VTI1A: variants seen among roughly 807,000 people sequenced by gnomAD.
The protein encoded by VTI1A is vesicle transport through interaction with t-SNAREs homolog 1A.
A neutral mutation model predicts 34.9 loss-of-function variants in VTI1A; 22 were observed. The observed-to-expected ratio is 0.63, with a 90% confidence interval of 0.45 to 0.90. The LOEUF (loss-of-function observed/expected upper bound fraction) is 0.90. VTI1A is among the 40% of genes least tolerant of loss of function. VTI1A has a pLI of 0.00. For synonymous variants in VTI1A, 87 were observed against 97.3 expected (o/e 0.89, Z 0.62); for missense variants, 268 against 275.6 (o/e 0.97, Z 0.20).
At chr10:112,715,582 T>C (rs1438503094) in intron 7 of VTI1A, among the ~76,000 whole-genome samples, 1 of 152,094 alleles carries the variant, frequency 6.6e-6, no homozygotes, top group East Asian at 1.9e-4. Context: ...GTTTTTCATA[T>C]GTTAAAAAAA....
intron 3 of VTI1A, among the ~76,000 whole-genome samples, chr10:112,505,100 A>G (rs1363221525): frequency 6.6e-6 from 1 of 151,778 alleles, no homozygotes; most frequent in African/African-American, 2.4e-5. Flanking sequence ...AATTTATCCT[A>G]TGTTTGTTCT....
At chr10:112,819,584 A>G (rs1381028537), downstream of VTI1A, among the ~76,000 whole-genome samples, 2 of 152,260 alleles carry the variant, frequency 1.3e-5, no homozygotes, top group East Asian at 1.9e-4. Flanking sequence ...ACTGGAGCTC[A>G]TTACAAACAG....
intron 3 of VTI1A, among the ~76,000 whole-genome samples, chr10:112,506,628 T>C (rs1849440452): frequency 6.6e-6 from 1 of 152,222 alleles, no homozygotes; most frequent in African/African-American, 2.4e-5. Flanking sequence ...CTTCTACATA[T>C]GCTATGAGAT....
At chr10:112,807,434 C>G (rs1853125767) in intron 7 of VTI1A, among the ~76,000 whole-genome samples, 1 of 152,182 alleles carries the variant, frequency 6.6e-6, no homozygotes, top group African/African-American at 2.4e-5. Flanking sequence ...CCCAACATTC[C>G]TTGGCATGTG....
intron 5 of VTI1A, among the ~76,000 whole-genome samples, chr10:112,643,215 T>TA (rs1846650735): frequency 6.6e-6 from 1 of 150,662 alleles, no homozygotes; most frequent in African/African-American, 2.4e-5. Flanking sequence ...AGGGTGGTCT[T>TA]GAACTCCTGG....
intron 7 of VTI1A, among the ~76,000 whole-genome samples, chr10:112,781,118 G>A (rs1852111878): frequency 1.3e-5 from 2 of 152,044 alleles, no homozygotes; most frequent in African/African-American, 4.8e-5. Context: ...GTAATTTTTT[G>A]TAGTTTAGTA....
At chr10:112,474,289 G>A (rs1219934270) in intron 3 of VTI1A, among the ~76,000 whole-genome samples, 3 of 151,942 alleles carry the variant, frequency 2.0e-5, no homozygotes, top group South Asian at 4.2e-4. Flanking sequence ...TCCTGACCTT[G>A]TGATCTGCCC....
At chr10:112,641,599 C>T (rs754099608) in intron 5 of VTI1A, among the ~76,000 whole-genome samples, 4 of 152,144 alleles carry the variant, frequency 2.6e-5, no homozygotes, top group Non-Finnish European at 4.4e-5. Context: ...AGGGTCCCAG[C>T]ATCAATTCCA....
At chr10:112,804,772 G>C (rs940620998) in intron 7 of VTI1A, among the ~76,000 whole-genome samples, 1 of 151,380 alleles carries the variant, frequency 6.6e-6, no homozygotes, top group Non-Finnish European at 1.5e-5. Flanking sequence ...AGACCTGCCA[G>C]ACCTGTCTGT....
At chr10:112,670,767 CTCAG>C (rs751096175) in intron 7 of VTI1A, among the ~76,000 whole-genome samples, 4 of 152,298 alleles carry the variant, frequency 2.6e-5, no homozygotes, top group Admixed American at 2.6e-4. Flanking sequence ...TGTAGGCAAA[CTCAG>C]TCAATCACTG....
chr10:112,577,985 T>C (rs1286323080), intron 5 of VTI1A, among the ~76,000 whole-genome samples: 1 of 152,230 alleles, frequency 6.6e-6, no homozygotes, highest in Non-Finnish European at 1.5e-5. Context: ...CTCATAGACT[T>C]GCTGAGAAAA....
intron 7 of VTI1A, among the ~76,000 whole-genome samples, chr10:112,669,545 G>T (rs1847772525): frequency 6.6e-6 from 1 of 152,118 alleles, no homozygotes; most frequent in Non-Finnish European, 1.5e-5. Flanking sequence ...ACTCTACCTT[G>T]ATTGATGGAA....
intron 1 of VTI1A, among the ~76,000 whole-genome samples, chr10:112,451,352 T>C (rs1479324983): frequency 6.6e-6 from 1 of 152,226 alleles, no homozygotes; most frequent in Non-Finnish European, 1.5e-5. Context: ...ATTAATGATA[T>C]TACTGCTGCT....
rs139516697 is a variant in VTI1A, at chr10:112,634,282, A to T, written c.428-33936A>T. The T allele has an allele frequency of 1.2e-4, 19 of 153,774 alleles. No homozygotes were observed. In the East Asian group the frequency reaches 3.7e-3, roughly 30 times the overall value. 9.5% of individuals were successfully genotyped at this position (153,774 alleles called of 1,614,324 possible). A position where few individuals can be genotyped will look rare whatever the true frequency, so the allele number is the denominator to read the frequency against. The stretch of plus-strand genomic sequence containing the variant: ...CTCTGGGTGACTCATCTCTTTTGAG[A>T]TCCTGATTGTCCATTTTTTGGTTGG... On this transcript the variant is annotated intron_variant, in intron 5 of 7. Coordinates refer to ENST00000393077, the MANE Select transcript of VTI1A (RefSeq NM_145206.4).
chr10:112,837,429 G>A, the VTI1A span, among the ~76,000 whole-genome samples: 12 of 152,300 alleles, frequency 7.9e-5, no homozygotes, highest in African/African-American at 2.4e-4. Context: ...CATGACCCCT[G>A]CTTTTCCTCA....
the VTI1A span, among the ~76,000 whole-genome samples, chr10:112,848,364 G>A: frequency 1.3e-5 from 2 of 152,180 alleles, no homozygotes; most frequent in Non-Finnish European, 1.5e-5. Context: ...CCCATTAAGG[G>A]ATAGGCAACG....
chr10:112,749,716 C>G (rs947800160), intron 7 of VTI1A, among the ~76,000 whole-genome samples: 1 of 152,142 alleles, frequency 6.6e-6, no homozygotes, highest in African/African-American at 2.4e-5. Context: ...TAGGAGGGAC[C>G]TGGAAATCAG....
intron 5 of VTI1A, among the ~76,000 whole-genome samples, chr10:112,561,060 G>A (rs910867142): frequency 6.6e-6 from 1 of 151,788 alleles, no homozygotes; most frequent in Admixed American, 6.6e-5. Flanking sequence ...CATTCAAGTG[G>A]TTCTCTCAAA....
At chr10:112,515,994 T>C (rs116309736) in intron 3 of VTI1A, among the ~76,000 whole-genome samples, 26 of 152,250 alleles carry the variant, frequency 1.7e-4, no homozygotes, top group African/African-American at 5.8e-4. Flanking sequence ...TTGTTTTTGT[T>C]GGCATGTTCC....
Sources: gnomAD v4.1 joint callset for allele counts (sites outside exome capture counted in the v4.1 genomes callset) on GRCh38, gnomAD v4.1.1 for gene constraint, MANE v1.5 for transcripts, NCBI Gene and HGNC (gene_info 2026-07-23, HGNC 2026-07-21) for gene names.